Variants in PPARGC1B observed in about 807,000 individuals in gnomAD.
PPARGC1B encodes PPARG coactivator 1 beta, also known as peroxisome proliferator-activated receptor gamma coactivator 1-beta.
In PPARGC1B, 34 loss-of-function variants were observed where a neutral mutation model predicts 101.6. That is an observed-to-expected ratio of 0.33 (90% CI 0.25 to 0.45). PPARGC1B has a LOEUF of 0.45. Among genes scored for constraint, PPARGC1B ranks in the 20% least tolerant of loss-of-function variants. The pLI is 1.00. For synonymous variants in PPARGC1B, 548 were observed against 539.3 expected (o/e 1.02, Z -0.22); for missense variants, 1,234 against 1,317.6 (o/e 0.94, Z 0.98).
chr5:149,744,589 A>T (rs1755024486), intron 1 of PPARGC1B, among the ~76,000 whole-genome samples: 1 of 152,248 alleles, frequency 6.6e-6, no homozygotes, highest in Admixed American at 6.5e-5. Context: ...ACCATCAAAA[A>T]TAGGAAGTCT....
intron 1 of PPARGC1B, among the ~76,000 whole-genome samples, chr5:149,769,549 C>T (rs964946950): frequency 2.6e-5 from 4 of 152,162 alleles, no homozygotes; most frequent in African/African-American, 9.7e-5. Flanking sequence ...GCCATGCCCT[C>T]GTCCTCTCTG....
At position 149,853,878 on chromosome 5, in the gene PPARGC1B, C is replaced by T. The variant is rs981634606; in HGVS notation, c.*6320C>T. The T allele has an allele frequency of 1.3e-5, 2 of 152,210 alleles. No homozygotes were observed. The highest frequency in any genetic ancestry group is 3.4e-3 in the Middle Eastern group (1 of 294). 9.4% of individuals were successfully genotyped at this position (152,210 alleles called of 1,614,324 possible). A position where few individuals can be genotyped will look rare whatever the true frequency, so the allele number is the denominator to read the frequency against. On this transcript the variant is annotated 3_prime_UTR_variant, in exon 12 of 12. Coordinates refer to ENST00000309241, the MANE Select transcript of PPARGC1B (RefSeq NM_133263.4). This position sits in a 1 kb window ranked among gnomAD's most constrained non-coding sequence, Gnocchi z 4.2. ...TGGGGAAGATGACCATCCAGAAGTCCAGCTTAGTGCAGTCTGCTCTGGAAT... is the reference window on the plus strand; with the variant it reads ...TGGGGAAGATGACCATCCAGAAGTCTAGCTTAGTGCAGTCTGCTCTGGAAT...
intron 9 of PPARGC1B, among the ~76,000 whole-genome samples, chr5:149,841,668 G>A (rs752623516): frequency 1.3e-5 from 2 of 152,146 alleles, no homozygotes; most frequent in Non-Finnish European, 2.9e-5. Context: ...CTGAGAGGAG[G>A]GGAAGGGGAG....
intron 1 of PPARGC1B, among the ~76,000 whole-genome samples, chr5:149,808,497 A>T (rs888690140): frequency 3.3e-5 from 5 of 149,860 alleles, no homozygotes; most frequent in African/African-American, 1.2e-4. Context: ...TGTTGATGTC[A>T]GGTGGTTTGT....
intron 1 of PPARGC1B, among the ~76,000 whole-genome samples, chr5:149,787,632 A>ACT (rs1756863167): frequency 6.6e-6 from 1 of 152,186 alleles, no homozygotes; most frequent in East Asian, 1.9e-4. Context: ...GTGTCTGCTG[A>ACT]GCAGTTTCTT....
intron 1 of PPARGC1B, among the ~76,000 whole-genome samples, chr5:149,767,847 G>A (rs748180293): frequency 2.0e-5 from 3 of 151,924 alleles, no homozygotes; most frequent in African/African-American, 7.3e-5. Context: ...GGGGGGTGGC[G>A]GATGCAGGGA....
intron 1 of PPARGC1B, among the ~76,000 whole-genome samples, chr5:149,783,363 A>T (rs969535635): frequency 8.5e-5 from 13 of 152,162 alleles, no homozygotes; most frequent in African/African-American, 3.1e-4. Flanking sequence ...CCTGAGAGAC[A>T]ATTTATGGAC....
At chr5:149,775,092 AG>A (rs1189472134) in intron 1 of PPARGC1B, among the ~76,000 whole-genome samples, 1 of 151,964 alleles carries the variant, frequency 6.6e-6, no homozygotes, top group East Asian at 1.9e-4. Context: ...AGGGTTGTGT[AG>A]GGGTGGAGTA....
chr5:149,764,069 A>G (rs1312587138), intron 1 of PPARGC1B, among the ~76,000 whole-genome samples: 2 of 152,224 alleles, frequency 1.3e-5, no homozygotes, highest in African/African-American at 2.4e-5. Flanking sequence ...GTCAAAACAT[A>G]AAAAAGTTCG....
At chr5:149,748,316 T>C (rs1022923583) in intron 1 of PPARGC1B, among the ~76,000 whole-genome samples, 7 of 148,838 alleles carry the variant, frequency 4.7e-5, no homozygotes, top group Middle Eastern at 3.3e-3. Flanking sequence ...GATATAGATA[T>C]AGATATATCT....
intron 1 of PPARGC1B, among the ~76,000 whole-genome samples, chr5:149,745,913 A>G (rs1322874264): frequency 2.0e-5 from 3 of 152,118 alleles, no homozygotes; most frequent in African/African-American, 4.8e-5. Context: ...GGAAGAGAGG[A>G]GGAAGAAGGC....
At chr5:149,830,055 GAA>G (rs71587791) in intron 3 of PPARGC1B, among the ~76,000 whole-genome samples, 2,269 of 89,762 alleles carry the variant, frequency 0.025, 25 homozygotes, top group Non-Finnish European at 0.029. Flanking sequence ...AAAAAAAAAA[GAA>G]AAAAAAAAAA....
chr5:149,800,621 C>T (rs1289834894), intron 1 of PPARGC1B, among the ~76,000 whole-genome samples: 1 of 152,244 alleles, frequency 6.6e-6, no homozygotes, highest in African/African-American at 2.4e-5. Flanking sequence ...GCACTTACAA[C>T]TCACAGAGGC....
intron 1 of PPARGC1B, among the ~76,000 whole-genome samples, chr5:149,764,189 G>C (rs6873620): frequency 0.087 from 13,250 of 152,280 alleles, 796 homozygotes; most frequent in African/African-American, 0.18. Flanking sequence ...GTCCAGAGAG[G>C]CACCCACACA....
chr5:149,809,050 A>G (rs1176750764), intron 1 of PPARGC1B, among the ~76,000 whole-genome samples: 1 of 152,014 alleles, frequency 6.6e-6, no homozygotes, highest in East Asian at 1.9e-4. Flanking sequence ...CCAAGGCAGG[A>G]GGACTGCTTG....
chr5:149,773,620 CAT>C (rs1756232947), intron 1 of PPARGC1B, among the ~76,000 whole-genome samples: 1 of 152,230 alleles, frequency 6.6e-6, no homozygotes, highest in East Asian at 1.9e-4. Context: ...ATGGAAATCA[CAT>C]ATCCAAATCA....
At chr5:149,775,538 ACT>A (rs1165992779) in intron 1 of PPARGC1B, among the ~76,000 whole-genome samples, 1 of 152,014 alleles carries the variant, frequency 6.6e-6, no homozygotes, top group African/African-American at 2.4e-5. Context: ...CAGTCTCCAC[ACT>A]CTTACCCCTG....
At chr5:149,809,175 C>G (rs928741311) in intron 1 of PPARGC1B, among the ~76,000 whole-genome samples, 9 of 42,942 alleles carry the variant, frequency 2.1e-4, no homozygotes, top group African/African-American at 7.4e-4. Flanking sequence ...CCATCTCTAC[C>G]ATAGATAGAT....
At chr5:149,773,530 C>T (rs6899109) in intron 1 of PPARGC1B, among the ~76,000 whole-genome samples, 29,100 of 152,216 alleles carry the variant, frequency 0.19, 3,057 homozygotes, top group Middle Eastern at 0.28. Flanking sequence ...TTGCTCTGTT[C>T]TAGCCTGGTC....
Sources: gnomAD v4.1 joint callset for allele counts (sites outside exome capture counted in the v4.1 genomes callset) on GRCh38, gnomAD v4.1.1 for gene constraint, Gnocchi (gnomAD v3.1) non-coding constraint, MANE v1.5 for transcripts, NCBI Gene and HGNC (gene_info 2026-07-23, HGNC 2026-07-21) for gene names.